Variants in CSRNP3 observed in about 807,000 individuals in gnomAD.
CSRNP3 encodes cysteine and serine rich nuclear protein 3.
Under a neutral mutation model 48.0 loss-of-function variants are expected in CSRNP3, and 12 were observed. The ratio of observed to expected loss-of-function variants is 0.25; its 90% CI spans 0.16 to 0.41. CSRNP3 has a LOEUF of 0.41. Among genes scored for constraint, CSRNP3 ranks in the 10% least tolerant of loss-of-function variants. CSRNP3 has a pLI of 1.00. For synonymous variants in CSRNP3, 263 were observed against 269.7 expected (o/e 0.98, Z 0.24); for missense variants, 580 against 724.4 (o/e 0.80, Z 2.29).
intron 4 of CSRNP3, among the ~76,000 whole-genome samples, chr2:165,603,026 G>A (rs1215592297): frequency 6.6e-6 from 1 of 152,050 alleles, no homozygotes; most frequent in East Asian, 1.9e-4. Context: ...CTCATGAGTA[G>A]CTGGGACTAC....
intron 1 of CSRNP3, among the ~76,000 whole-genome samples, chr2:165,475,601 A>T (rs1490151874): frequency 1.3e-5 from 2 of 152,190 alleles, no homozygotes; most frequent in African/African-American, 4.8e-5. Flanking sequence ...ACAATGCCTG[A>T]TACACAGTAT....
intron 5 of CSRNP3, among the ~76,000 whole-genome samples, chr2:165,668,699 C>A (rs1400099980): frequency 6.6e-6 from 1 of 152,036 alleles, no homozygotes; most frequent in Non-Finnish European, 1.5e-5. Context: ...CACGCCCAGC[C>A]CATATCCTTT....
At chr2:165,602,811 C>T (rs1207716658) in intron 4 of CSRNP3, among the ~76,000 whole-genome samples, 1 of 152,210 alleles carries the variant, frequency 6.6e-6, no homozygotes, top group Non-Finnish European at 1.5e-5. Context: ...ATTTCTTTCT[C>T]CATAAAAACT....
rs181295606 is a variant in CSRNP3, at chr2:165,634,896, G to A, written c.149-22865G>A. ...GTGTGCCTTACTTTATTGTTATCTC[G>A]TCCAGGAAGGAGCCTGTGTTGTTCA... On this transcript the variant is annotated intron_variant, in intron 4 of 6. Transcript: ENST00000651982. Among the ~76,000 whole-genome samples, 101 of 152,308 alleles carry A rather than the reference G, an allele frequency of 6.6e-4. 1 individual carries two copies. The East Asian group carries it at 0.014, about 20-fold the overall frequency.
intron 3 of CSRNP3, among the ~76,000 whole-genome samples, chr2:165,533,582 A>T (rs1412406496): frequency 6.6e-6 from 1 of 152,124 alleles, no homozygotes; most frequent in Non-Finnish European, 1.5e-5. Context: ...ATGAGAGCAG[A>T]ACCAATTTTC....
At position 165,666,680 on chromosome 2, in the gene CSRNP3, A is replaced by G. The variant is rs1247182002; in HGVS notation, c.408+8660A>G. Among the ~76,000 whole-genome samples the G allele has an allele frequency of 1.2e-4, 7 of 59,572 alleles. 2 individuals carry two copies. Among genetic ancestry groups the G allele is most frequent in the African/African-American group, 2.9e-4 (5 of 17,122 alleles). The allele number at this position is 59,572 out of a possible 152,430, so 39.1% of individuals were successfully genotyped here. A position where few individuals can be genotyped will look rare whatever the true frequency, so the allele number is the denominator to read the frequency against. On this transcript the variant is annotated intron_variant, in intron 5 of 6. Coordinates refer to ENST00000651982, the MANE Select transcript of CSRNP3 (RefSeq NM_001172173.2). ...GAAAAGAGAGAGGAAGGAAGGAAAG[A>G]GAGAGTGGTGTTAAGAGAGAGAGAA...
At chr2:165,513,980 A>G (rs1358571794) in intron 2 of CSRNP3, among the ~76,000 whole-genome samples, 1 of 152,232 alleles carries the variant, frequency 6.6e-6, no homozygotes, top group Non-Finnish European at 1.5e-5. Context: ...GTGAATCATA[A>G]GAGTTAGATG....
intron 3 of CSRNP3, among the ~76,000 whole-genome samples, chr2:165,532,027 A>C (rs1574824708): frequency 6.6e-6 from 1 of 152,198 alleles, no homozygotes; most frequent in East Asian, 1.9e-4. Flanking sequence ...TGAATCTCTG[A>C]ATAGACCAAT....
intron 4 of CSRNP3, among the ~76,000 whole-genome samples, chr2:165,602,415 C>T (rs1411490566): frequency 6.6e-6 from 1 of 152,180 alleles, no homozygotes; most frequent in Non-Finnish European, 1.5e-5. Context: ...TTGGGGTACA[C>T]AATCTGGGAC....
intron 1 of CSRNP3, among the ~76,000 whole-genome samples, chr2:165,472,956 C>T (rs914093364): frequency 2.6e-5 from 4 of 152,024 alleles, no homozygotes; most frequent in African/African-American, 4.8e-5. Flanking sequence ...TCAATTAACA[C>T]GAGCAAAGCA....
At chr2:165,575,697 A>G (rs1335812040) in intron 3 of CSRNP3, among the ~76,000 whole-genome samples, 1 of 152,046 alleles carries the variant, frequency 6.6e-6, no homozygotes, top group Non-Finnish European at 1.5e-5. Flanking sequence ...TTGAGGAGGA[A>G]CCACAACAGG....
intron 1 of CSRNP3, among the ~76,000 whole-genome samples, chr2:165,481,766 A>C (rs547169108): frequency 2.4e-4 from 37 of 152,170 alleles, no homozygotes; most frequent in Admixed American, 4.6e-4. Context: ...CACCTACAAC[A>C]CACATTCTGG....
rs1460030956 is a variant in CSRNP3 at position 165,520,816 on chromosome 2, T to G, written c.-24+2855T>G. ...ATATATATATATATATATATATATA[T>G]ATATATATATACATATTTTTTTTTC... is the stretch of plus-strand genomic sequence containing the variant. On this transcript the variant is annotated intron_variant, in intron 3 of 6. Transcript: ENST00000651982. Among the ~76,000 whole-genome samples the G allele has an allele frequency of 5.1e-4, 54 of 106,276 alleles. 1 individual carries two copies. The highest frequency in any genetic ancestry group is 1.8e-3 in the African/African-American group (48 of 26,396). 69.7% of individuals were successfully genotyped at this position (106,276 alleles called of 152,430 possible).
intron 4 of CSRNP3, among the ~76,000 whole-genome samples, chr2:165,618,500 G>T (rs953148171): frequency 2.6e-5 from 4 of 152,134 alleles, no homozygotes; most frequent in African/African-American, 9.7e-5. Flanking sequence ...ATTTAATTGG[G>T]CTCTATGCAT....
intron 3 of CSRNP3, among the ~76,000 whole-genome samples, chr2:165,591,765 C>A (rs1194390627): frequency 1.3e-5 from 2 of 152,206 alleles, no homozygotes; most frequent in Non-Finnish European, 2.9e-5. Flanking sequence ...GGCTTGGGAA[C>A]CTCTGCCTAG....
rs1687488131 is a variant in CSRNP3 at position 165,679,341 on chromosome 2, A to G, written c.1346A>G (p.Gln449Arg). ...AGCCACATTCCAGGAACTCCAAATC[A>G]GATCTCTGAGAACTATTCTGAAAGA... is the stretch of plus-strand genomic sequence containing the variant. ...IDSHIPGTPN[Q>R]ISENYSERDT... is the part of the protein sequence containing the mutation. The change falls in exon 7 of 7, where the codon CAG becomes CGG. Residue 449 changes from glutamine to arginine, a missense_variant. Gln to Arg is a conservative substitution (Grantham distance 43). Transcript: ENST00000651982. The G allele has an allele frequency of 1.2e-6, 2 of 1,613,804 alleles. No individual in the cohort carries two copies. Among genetic ancestry groups the G allele is most frequent in the South Asian group, 1.1e-5 (1 of 91,068 alleles).
Position 165,684,424 on chromosome 2 carries a change from A to G in CSRNP3, c.*4671A>G, listed in dbSNP as rs1162205496. On this transcript the variant is annotated 3_prime_UTR_variant, in exon 7 of 7. Transcript: ENST00000651982. ...TCTCTTGATGACAGTTTGCAGTGCC[A>G]TTATAGCCAGTGTATTAAATACCAG... 1 of 152,118 alleles carries G rather than the reference A, an allele frequency of 6.6e-6. No individual in the cohort carries two copies. The highest frequency in any genetic ancestry group is 1.9e-4 in the East Asian group (1 of 5,192). 9.4% of individuals were successfully genotyped at this position (152,118 alleles called of 1,614,324 possible). A position where few individuals can be genotyped will look rare whatever the true frequency, so the allele number is the denominator to read the frequency against.
chr2:165,481,846 G>A (rs947278951), intron 1 of CSRNP3, among the ~76,000 whole-genome samples: 6 of 151,992 alleles, frequency 3.9e-5, no homozygotes, highest in Admixed American at 6.6e-5. Flanking sequence ...ACCAAATACC[G>A]CATGTTCTCA....
At chr2:165,651,193 G>A (rs1686896941) in intron 4 of CSRNP3, among the ~76,000 whole-genome samples, 1 of 152,180 alleles carries the variant, frequency 6.6e-6, no homozygotes, top group South Asian at 2.1e-4. Context: ...AACTCAAGTG[G>A]AATGATACAC....
Sources: gnomAD v4.1 joint callset for allele counts (sites outside exome capture counted in the v4.1 genomes callset) on GRCh38, gnomAD v4.1.1 for gene constraint, MANE v1.5 for transcripts, NCBI Gene and HGNC (gene_info 2026-07-23, HGNC 2026-07-21) for gene names.